Variants in LIN7A observed in about 807,000 individuals in gnomAD.
LIN7A encodes the protein protein lin-7 homolog A.
Under a neutral mutation model 29.8 loss-of-function variants are expected in LIN7A, and 25 were observed. The observed-to-expected ratio is 0.84, with a 90% CI of 0.61 to 1.17. The LOEUF (loss-of-function observed/expected upper bound fraction) is 1.17. Among genes scored for constraint, LIN7A ranks in the 50% most tolerant of loss-of-function variants. The probability of loss-of-function intolerance (pLI) is 0.00; values close to 1 mark genes in which losing one functional copy is unlikely to be tolerated. For missense variants in LIN7A, 239 were observed against 287.0 expected, an observed-to-expected ratio of 0.83 and a Z score of 1.21; for synonymous variants, 118 against 107.5, an observed-to-expected ratio of 1.10 and a Z score of -0.60.
chr12:80,919,597 G>A (rs1227069780), intron 1 of LIN7A, among the ~76,000 whole-genome samples: 1 of 152,052 alleles, frequency 6.6e-6, no homozygotes, highest in Non-Finnish European at 1.5e-5. Context: ...ACGGGGAGAA[G>A]GATAAAAGCC....
chr12:80,878,013 T>G (rs1874805592), intron 2 of LIN7A, among the ~76,000 whole-genome samples: 1 of 152,222 alleles, frequency 6.6e-6, no homozygotes. Flanking sequence ...TATTTTGAAC[T>G]ACTGTGTAAG....
At chr12:80,859,014 G>A (rs186275741) in intron 2 of LIN7A, among the ~76,000 whole-genome samples, 10 of 152,258 alleles carry the variant, frequency 6.6e-5, no homozygotes, top group Admixed American at 2.6e-4. Context: ...TGATTATTCA[G>A]TTGATTGAAT....
chr12:80,856,542 A>G (rs1163352765), intron 2 of LIN7A, among the ~76,000 whole-genome samples: 6 of 152,204 alleles, frequency 3.9e-5, no homozygotes, highest in Non-Finnish European at 8.8e-5. Flanking sequence ...GACGAAAAAC[A>G]AATGAACTCT....
At chr12:80,854,509 G>T (rs1192741527) in intron 2 of LIN7A, among the ~76,000 whole-genome samples, 1 of 94,416 alleles carries the variant, frequency 1.1e-5, no homozygotes, top group East Asian at 3.1e-4. Context: ...AAAAAAAAAA[G>T]CCAGACATTA....
At chr12:80,860,074 CA>C (rs1446567230) in intron 2 of LIN7A, among the ~76,000 whole-genome samples, 3 of 152,070 alleles carry the variant, frequency 2.0e-5, no homozygotes, top group Non-Finnish European at 4.4e-5. Flanking sequence ...ACAATCTGTA[CA>C]GCAAGAAATA....
At chr12:80,823,896 A>G (rs1325579730) in intron 4 of LIN7A, among the ~76,000 whole-genome samples, 1 of 152,242 alleles carries the variant, frequency 6.6e-6, no homozygotes. Context: ...GAAACTTCAT[A>G]GCATTAAATG....
In LIN7A at chr12:80,915,159, AAAAAAAAC is replaced by A. The variant is rs980056049; in HGVS notation, c.82+22474_82+22481del. Among the ~76,000 whole-genome samples, 16 of 151,684 alleles carry A rather than the reference AAAAAAAAC, an allele frequency of 1.1e-4. No individual in the cohort carries two copies. In the East Asian group the frequency reaches 1.9e-3, roughly 18 times the overall value. On this transcript the variant is annotated intron_variant, in intron 1 of 5. Coordinates refer to ENST00000552864, the MANE Select transcript of LIN7A (RefSeq NM_004664.4). ...GGAACTTAAATCAACAAGCAAAAAA[AAAAAAAAC>A]AAAAAAACAAAAAAAATTAACCCCA...
intron 1 of LIN7A, among the ~76,000 whole-genome samples, chr12:80,895,622 A>C (rs949345330): frequency 3.3e-5 from 5 of 152,126 alleles, no homozygotes; most frequent in Non-Finnish European, 7.4e-5. Context: ...CTTTTTCCAG[A>C]CTCTACTGCA....
In LIN7A at chr12:80,867,777, GT is replaced by G. The variant is rs1159472540; in HGVS notation, c.202-19456del. On this transcript the variant is annotated intron_variant, in intron 2 of 5. Transcript: ENST00000552864. ...ATTTCAATTGTTTACTTTAAAAAATGTTTTTCCCTCTTAAATTTATTGTGGT... is the reference window on the plus strand; with the variant it reads ...ATTTCAATTGTTTACTTTAAAAAATGTTTTCCCTCTTAAATTTATTGTGGT... Among the ~76,000 whole-genome samples, 5 of 152,076 alleles carry G rather than the reference GT, an allele frequency of 3.3e-5. No homozygotes were observed. In the East Asian group the frequency reaches 9.6e-4, roughly 29 times the overall value.
intron 1 of LIN7A, among the ~76,000 whole-genome samples, chr12:80,902,138 C>T (rs1876245097): frequency 6.6e-6 from 1 of 151,838 alleles, no homozygotes; most frequent in Admixed American, 6.6e-5. Context: ...CTTGTTTTTG[C>T]CAGCCTTTTT....
chr12:80,895,347 A>C (rs569392721), intron 1 of LIN7A, among the ~76,000 whole-genome samples: 2 of 152,358 alleles, frequency 1.3e-5, no homozygotes, highest in South Asian at 4.1e-4. Context: ...CAGTGATCTA[A>C]AGGAGTTCAA....
At chr12:80,890,674 A>T (rs1281686462) in intron 1 of LIN7A, among the ~76,000 whole-genome samples, 2 of 152,194 alleles carry the variant, frequency 1.3e-5, no homozygotes, top group Non-Finnish European at 2.9e-5. Context: ...AGCACAAATC[A>T]TTAAATCAAT....
In LIN7A at chr12:80,850,069, T is replaced by C. The variant is rs554910340; in HGVS notation, c.202-1747A>G. Among the ~76,000 whole-genome samples, 14 of 152,270 alleles carry C rather than the reference T, an allele frequency of 9.2e-5. No homozygotes were observed. In the East Asian group the frequency reaches 2.7e-3, roughly 29 times the overall value. On this transcript the variant is annotated intron_variant, in intron 2 of 5. Transcript: ENST00000552864. Reference sequence around the variant, plus strand: ...TGATTTTGTAAGTGCTGGAGATAAATACCTGTACCTAATAAATATCACAAA... The same window carrying C: ...TGATTTTGTAAGTGCTGGAGATAAACACCTGTACCTAATAAATATCACAAA...
At chr12:80,920,531 A>T (rs754706458) in intron 1 of LIN7A, among the ~76,000 whole-genome samples, 1 of 152,238 alleles carries the variant, frequency 6.6e-6, no homozygotes, top group Non-Finnish European at 1.5e-5. Context: ...CCAACATTAC[A>T]AACAATACAA....
Position 80,843,036 on chromosome 12 carries a change from A to G in LIN7A, c.483+2694T>C, listed in dbSNP as rs140753506. On this transcript the variant is annotated intron_variant, in intron 4 of 5. Transcript: ENST00000552864. ...ATGAGTAGCTGTTGCACCTACTTCA[A>G]TGAAAAAATGATGCTTTACTTATTA... 9.1e-4 allele frequency among the ~76,000 whole-genome samples: 138 copies of G among 152,256 alleles called. 1 individual carries two copies. In the East Asian group the frequency reaches 0.024, roughly 26 times the overall value.
chr12:80,912,280 G>T (rs1592944817), intron 1 of LIN7A, among the ~76,000 whole-genome samples: 1 of 151,910 alleles, frequency 6.6e-6, no homozygotes, highest in East Asian at 1.9e-4. Context: ...TATATAAAAG[G>T]CATTATGTTC....
intron 1 of LIN7A, among the ~76,000 whole-genome samples, chr12:80,899,990 A>G (rs2120724862): frequency 6.6e-6 from 1 of 151,772 alleles, no homozygotes; most frequent in Middle Eastern, 3.4e-3. Flanking sequence ...GATGGTCTCC[A>G]TCTCCTGACC....
chr12:80,935,294 G>A (rs767356650), intron 1 of LIN7A, among the ~76,000 whole-genome samples: 3 of 152,146 alleles, frequency 2.0e-5, no homozygotes, highest in South Asian at 2.1e-4. Flanking sequence ...AATTTAGAGC[G>A]CATCAAAGGG....
intron 1 of LIN7A, among the ~76,000 whole-genome samples, chr12:80,904,380 C>T (rs533220646): frequency 1.1e-3 from 162 of 152,086 alleles, no homozygotes; most frequent in Non-Finnish European, 1.9e-3. Flanking sequence ...AAAGTCACCA[C>T]GTTTAATGAT....
Sources: gnomAD v4.1 joint callset for allele counts (sites outside exome capture counted in the v4.1 genomes callset) on GRCh38, gnomAD v4.1.1 for gene constraint, MANE v1.5 for transcripts, NCBI Gene and HGNC (gene_info 2026-07-23, HGNC 2026-07-21) for gene names.